The following PRICKLE1 variants were observed in gnomAD, a reference collection of about 807,000 sequenced individuals.
The protein encoded by PRICKLE1 is prickle planar cell polarity protein 1.
PRICKLE1 carries 14 observed loss-of-function variants against 70.2 expected under a neutral mutation model. The ratio of observed to expected loss-of-function variants is 0.20; its 90% confidence interval spans 0.13 to 0.31. The LOEUF (loss-of-function observed/expected upper bound fraction) is 0.31. Ranked by LOEUF, PRICKLE1 falls within the 10% of genes least tolerant of loss-of-function variation. The pLI is 1.00. For synonymous variants in PRICKLE1, 357 were observed against 379.9 expected, an observed-to-expected ratio of 0.94 and a Z score of 0.70; for missense variants, 821 against 1,026.2, an observed-to-expected ratio of 0.80 and a Z score of 2.73.
intron 1 of PRICKLE1, among the ~76,000 whole-genome samples, chr12:42,573,119 A>C (rs1183977675): frequency 6.6e-6 from 1 of 152,158 alleles, no homozygotes; most frequent in Non-Finnish European, 1.5e-5. Flanking sequence ...ATCAGACTGT[A>C]CTCACTTACA....
rs184931345 is a variant in PRICKLE1 at position 42,575,576 on chromosome 12, T to C, written c.-49+13889A>G. Among the ~76,000 whole-genome samples the C allele has an allele frequency of 5.2e-4, 79 of 152,040 alleles. No homozygotes were observed. The East Asian group carries it at 0.012, about 23-fold the overall frequency. The stretch of plus-strand genomic sequence containing the variant: ...AGGAATGGTGGTGGGCACCTGTAAT[T>C]CCAGCTACTCAGGAGGCTGAGGCAG... On this transcript the variant is annotated intron_variant, in intron 1 of 7. Coordinates refer to ENST00000345127, the MANE Select transcript of PRICKLE1 (RefSeq NM_153026.3).
At chr12:42,553,398 C>T (rs1210245763) in intron 1 of PRICKLE1, among the ~76,000 whole-genome samples, 13 of 151,452 alleles carry the variant, frequency 8.6e-5, no homozygotes, top group Non-Finnish European at 1.6e-4. Context: ...GAGCCGAGAT[C>T]ACGCCACTGC....
intron 1 of PRICKLE1, among the ~76,000 whole-genome samples, chr12:42,556,292 A>G (rs1174967739): frequency 2.0e-5 from 3 of 152,238 alleles, no homozygotes; most frequent in African/African-American, 7.2e-5. Flanking sequence ...AAGACCCTGG[A>G]AGACCTGGCT....
intron 1 of PRICKLE1, among the ~76,000 whole-genome samples, chr12:42,497,714 T>C (rs919350714): frequency 1.3e-5 from 2 of 152,122 alleles, no homozygotes; most frequent in African/African-American, 4.8e-5. Context: ...ATTATCAAAA[T>C]GTGACACAGA....
chr12:42,469,319 T>C, intron 4 of PRICKLE1, 131 bp downstream of exon 4: 1 of 1,012,648 alleles, frequency 9.9e-7, no homozygotes, highest in Non-Finnish European at 1.5e-6. Context: ...AATAAAAAGC[T>C]AGGCTGTCTT....
At chr12:42,495,683 G>T (rs1217628962) in intron 1 of PRICKLE1, among the ~76,000 whole-genome samples, 1 of 152,034 alleles carries the variant, frequency 6.6e-6, no homozygotes, top group African/African-American at 2.4e-5. Flanking sequence ...CCGCCTCCCG[G>T]GTTCAAGTGA....
intron 7 of PRICKLE1, among the ~76,000 whole-genome samples, chr12:42,462,789 T>C (rs900262167): frequency 4.6e-5 from 7 of 152,218 alleles, no homozygotes; most frequent in African/African-American, 1.7e-4. Context: ...AGTTTGACTA[T>C]AAAACTAGCC....
chr12:42,471,462 T>C (rs1336387241), intron 2 of PRICKLE1, among the ~76,000 whole-genome samples: 1 of 152,164 alleles, frequency 6.6e-6, no homozygotes, highest in Non-Finnish European at 1.5e-5. Flanking sequence ...AAGTAGTTTG[T>C]CAAAATATTG....
At position 42,492,782 on chromosome 12, in the gene PRICKLE1, T is replaced by C. The variant is rs1939128875; in HGVS notation, c.-48-20218A>G. ...TTATGTTTGGAGAGCTTTAATCTCT[T>C]GAACATTGAGTCTGCGCTGGATTAT... On this transcript the variant is annotated intron_variant, in intron 1 of 7. Transcript: ENST00000345127. Among the ~76,000 whole-genome samples, 3 of 152,238 alleles carry C rather than the reference T, an allele frequency of 2.0e-5. No individual in the cohort carries two copies. The South Asian group carries it at 6.2e-4, about 31-fold the overall frequency.
chr12:42,528,370 A>G (rs1939851704), intron 1 of PRICKLE1, among the ~76,000 whole-genome samples: 1 of 152,198 alleles, frequency 6.6e-6, no homozygotes, highest in Non-Finnish European at 1.5e-5. Context: ...CACTGAGCCC[A>G]GCCCGAAAAA....
chr12:42,573,781 C>T (rs1037927619), intron 1 of PRICKLE1, among the ~76,000 whole-genome samples: 7 of 152,070 alleles, frequency 4.6e-5, no homozygotes, highest in Non-Finnish European at 1.0e-4. Flanking sequence ...GTGATCCACC[C>T]GCCTTGGCCT....
At chr12:42,477,321 G>A (rs918944831) in intron 1 of PRICKLE1, among the ~76,000 whole-genome samples, 8 of 150,380 alleles carry the variant, frequency 5.3e-5, no homozygotes, top group East Asian at 2.0e-4. Flanking sequence ...GCGGTGAGCC[G>A]AGATCACACC....
At chr12:42,537,944 C>T (rs1940042670) in intron 1 of PRICKLE1, among the ~76,000 whole-genome samples, 1 of 152,140 alleles carries the variant, frequency 6.6e-6, no homozygotes, top group African/African-American at 2.4e-5. Flanking sequence ...AAAACTGAGG[C>T]AAAGGGAAGT....
intron 1 of PRICKLE1, among the ~76,000 whole-genome samples, chr12:42,549,255 T>C (rs1437163175): frequency 1.3e-5 from 2 of 152,036 alleles, no homozygotes; most frequent in African/African-American, 4.8e-5. Flanking sequence ...CAGATGTGTA[T>C]GTTATCAAAC....
intron 1 of PRICKLE1, among the ~76,000 whole-genome samples, chr12:42,533,257 A>G (rs915669412): frequency 4.7e-5 from 7 of 147,392 alleles, no homozygotes; most frequent in African/African-American, 1.8e-4. Context: ...CAATAAATCT[A>G]TATTATTGTG....
chr12:42,488,642 A>G (rs969321697), intron 1 of PRICKLE1, among the ~76,000 whole-genome samples: 2 of 152,244 alleles, frequency 1.3e-5, no homozygotes. Flanking sequence ...CTAAGAAAAT[A>G]TATTCCAATA....
Position 42,459,411 on chromosome 12 carries a change from C to T in PRICKLE1, c.*398G>A, listed in dbSNP as rs17091220. On this transcript the variant is annotated 3_prime_UTR_variant, in exon 8 of 8. Coordinates refer to ENST00000345127, the MANE Select transcript of PRICKLE1 (RefSeq NM_153026.3). ...CTCACACCAAGACGGACTATCAAGA[C>T]CTGAGCCGACCTGACTTACATAAAT... The T allele has an allele frequency of 1.4e-5, 10 of 699,218 alleles. No individual in the cohort carries two copies. The highest frequency in any genetic ancestry group is 2.3e-5 in the Non-Finnish European group (9 of 384,004). The allele number at this position is 699,218 out of a possible 1,614,324, so 43.3% of individuals were successfully genotyped here. A position where few individuals can be genotyped will look rare whatever the true frequency, so the allele number is the denominator to read the frequency against.
At chr12:42,577,182 T>C (rs1940817597) in intron 1 of PRICKLE1, among the ~76,000 whole-genome samples, 1 of 152,244 alleles carries the variant, frequency 6.6e-6, no homozygotes, top group Admixed American at 6.5e-5. Context: ...CTTTAAAAAT[T>C]GTCCACATTT....
At chr12:42,559,463 A>G (rs952949550) in intron 1 of PRICKLE1, among the ~76,000 whole-genome samples, 4 of 151,564 alleles carry the variant, frequency 2.6e-5, no homozygotes, top group African/African-American at 7.3e-5. Flanking sequence ...TCACTATAGC[A>G]TCAGACTTTT....
Sources: allele counts gnomAD v4.1 joint callset (sites outside exome capture counted in the v4.1 genomes callset), GRCh38; gene constraint gnomAD v4.1.1; transcripts MANE v1.5; gene names NCBI Gene and HGNC (gene_info 2026-07-23, HGNC 2026-07-21).